Variants in CPE observed in about 807,000 individuals in gnomAD.
CPE encodes carboxypeptidase E.
Under a neutral mutation model 53.5 loss-of-function variants are expected in CPE, and 17 were observed. The ratio of observed to expected loss-of-function variants is 0.32; its 90% CI spans 0.22 to 0.48. The LOEUF (loss-of-function observed/expected upper bound fraction) is 0.48, where lower values mean the gene tolerates loss of function less well. Among genes scored for constraint, CPE ranks in the 20% least tolerant of loss-of-function variants. The pLI is 0.99. For synonymous variants in CPE, 226 were observed against 228.8 expected, an observed-to-expected ratio of 0.99 and a Z score of 0.11; for missense variants, 524 against 614.7, an observed-to-expected ratio of 0.85 and a Z score of 1.56.
At chr4:165,491,036 C>T (rs1035510662) in intron 6 of CPE, among the ~76,000 whole-genome samples, 8 of 152,124 alleles carry the variant, frequency 5.3e-5, no homozygotes, top group African/African-American at 1.7e-4. Flanking sequence ...TTGACACAGC[C>T]CATACACTTC....
At position 165,455,534 on chromosome 4, in the gene CPE, A is replaced by T. The variant is rs75339363; in HGVS notation, c.308-8856A>T. Among the ~76,000 whole-genome samples the T allele has an allele frequency of 2.2e-3, 338 of 152,350 alleles. 7 individuals are homozygous for T. Among genetic ancestry groups the T allele is most frequent in the East Asian group, 9.8e-3 (51 of 5,188 alleles). On this transcript the variant is annotated intron_variant, in intron 1 of 8. Transcript: ENST00000402744. ...ATAATTATGGTCTTTTTGGTGATTA[A>T]TATCTACAGAAAGATTTCAAATCAT...
intron 1 of CPE, among the ~76,000 whole-genome samples, chr4:165,385,898 T>G (rs74778131): frequency 6.6e-6 from 1 of 152,216 alleles, no homozygotes; most frequent in African/African-American, 2.4e-5. Flanking sequence ...TTTTACAGTC[T>G]CAGCAGAAGC....
At chr4:165,383,365 A>G (rs1412460867) in intron 1 of CPE, among the ~76,000 whole-genome samples, 1 of 152,176 alleles carries the variant, frequency 6.6e-6, no homozygotes, top group Non-Finnish European at 1.5e-5. Context: ...ATGTATATCC[A>G]TCATCGAAAT....
At chr4:165,450,283 G>A (rs976539940) in intron 1 of CPE, among the ~76,000 whole-genome samples, 7 of 152,106 alleles carry the variant, frequency 4.6e-5, no homozygotes, top group Non-Finnish European at 1.0e-4. Flanking sequence ...GGGCTACTGT[G>A]TATCTGTTTA....
At chr4:165,466,856 TA>T (rs1185495301) in intron 2 of CPE, among the ~76,000 whole-genome samples, 1 of 152,188 alleles carries the variant, frequency 6.6e-6, no homozygotes, top group Non-Finnish European at 1.5e-5. Flanking sequence ...TTTTAAACTT[TA>T]AAAACCTTTT....
chr4:165,493,372 C>A, intron 7 of CPE, 102 bp downstream of exon 7: 1 of 801,594 alleles, frequency 1.2e-6, no homozygotes. Context: ...AAACAAATAG[C>A]TCGTATCTCT....
intron 1 of CPE, among the ~76,000 whole-genome samples, chr4:165,440,602 T>C (rs2126684957): frequency 6.6e-6 from 1 of 152,302 alleles, no homozygotes; most frequent in Non-Finnish European, 1.5e-5. Flanking sequence ...CTTTAAGTCT[T>C]ATCCACTTTG....
intron 1 of CPE, among the ~76,000 whole-genome samples, chr4:165,444,149 C>A (rs1466843598): frequency 2.0e-5 from 3 of 152,096 alleles, no homozygotes; most frequent in African/African-American, 7.2e-5. Context: ...CACGATTTAG[C>A]CCGTAACACC....
At chr4:165,494,347 C>T (rs1266006651) in intron 7 of CPE, among the ~76,000 whole-genome samples, 1 of 152,068 alleles carries the variant, frequency 6.6e-6, no homozygotes, top group Non-Finnish European at 1.5e-5. Context: ...GGAATAAACA[C>T]GTGGGAAGAA....
chr4:165,393,824 T>C (rs1730721277), intron 1 of CPE, among the ~76,000 whole-genome samples: 1 of 152,186 alleles, frequency 6.6e-6, no homozygotes, highest in Admixed American at 6.5e-5. Context: ...CGGAGGCGGA[T>C]AGACAGGGCC....
chr4:165,431,351 G>A (rs7699489), intron 1 of CPE, among the ~76,000 whole-genome samples: 51,395 of 151,800 alleles, frequency 0.34, 8,797 homozygotes, highest in East Asian at 0.52. Context: ...TTGATCTTGC[G>A]AAAAAGGCGA....
At chr4:165,471,027 G>C (rs1732196622) in intron 3 of CPE, among the ~76,000 whole-genome samples, 1 of 152,158 alleles carries the variant, frequency 6.6e-6, no homozygotes, top group Non-Finnish European at 1.5e-5. Flanking sequence ...GGATCATCTG[G>C]AGCTTGATGG....
At chr4:165,449,573 G>T (rs1217975958) in intron 1 of CPE, among the ~76,000 whole-genome samples, 1 of 152,106 alleles carries the variant, frequency 6.6e-6, no homozygotes, top group South Asian at 2.1e-4. Context: ...TAACAGACCC[G>T]TAAAGAAAAC....
At chr4:165,466,262 G>C (rs574164228) in intron 2 of CPE, among the ~76,000 whole-genome samples, 1 of 152,248 alleles carries the variant, frequency 6.6e-6, no homozygotes, top group African/African-American at 2.4e-5. Flanking sequence ...GTAACTATTT[G>C]TGTATCTAAA....
rs527260706 is a variant in CPE, at chr4:165,475,818, C to T, written c.673-6424C>T. Among the ~76,000 whole-genome samples the T allele has an allele frequency of 9.9e-5, 15 of 152,210 alleles. No homozygotes were observed. In the East Asian group the frequency reaches 1.2e-3, roughly 12 times the overall value. ...GAACTCCGAGTTCCTTCCACCCCTC[C>T]GAGCCACCCATTAGAGTGAACTGAA... is the stretch of plus-strand genomic sequence containing the variant. On this transcript the variant is annotated intron_variant, in intron 3 of 8. Coordinates refer to ENST00000402744, the MANE Select transcript of CPE (RefSeq NM_001873.4).
chr4:165,381,896 A>G (rs1730509367), intron 1 of CPE, among the ~76,000 whole-genome samples: 1 of 152,246 alleles, frequency 6.6e-6, no homozygotes, highest in Non-Finnish European at 1.5e-5. Flanking sequence ...CTGAGGTACA[A>G]GTGGGCTCAT....
intron 1 of CPE, among the ~76,000 whole-genome samples, chr4:165,435,007 G>T (rs1259983669): frequency 6.6e-6 from 1 of 152,036 alleles, no homozygotes; most frequent in African/African-American, 2.4e-5. Flanking sequence ...TATGATCTCT[G>T]CACATGCTGG....
chr4:165,423,828 G>A (rs1000582843), intron 1 of CPE, among the ~76,000 whole-genome samples: 14 of 130,086 alleles, frequency 1.1e-4, no homozygotes, highest in African/African-American at 3.3e-4. Context: ...AGAGTGTGAT[G>A]TTCCCCTTCC....
intron 1 of CPE, among the ~76,000 whole-genome samples, chr4:165,441,620 A>G (rs1187397017): frequency 6.6e-6 from 1 of 152,118 alleles, no homozygotes; most frequent in Non-Finnish European, 1.5e-5. Flanking sequence ...GTTATGTCCT[A>G]TTTGGGTTTT....
Sources: gnomAD v4.1 joint callset for allele counts (sites outside exome capture counted in the v4.1 genomes callset) on GRCh38, gnomAD v4.1.1 for gene constraint, MANE v1.5 for transcripts, NCBI Gene and HGNC (gene_info 2026-07-23, HGNC 2026-07-21) for gene names.